ARMC9: variants seen among roughly 807,000 people sequenced by gnomAD.
ARMC9 encodes the protein lisH domain-containing protein ARMC9.
A neutral mutation model predicts 107.0 loss-of-function variants in ARMC9; 94 were observed. That is an observed-to-expected ratio of 0.88 (90% CI 0.74 to 1.04). The LOEUF is 1.04. Ranked by LOEUF, ARMC9 falls within the 50% of genes least tolerant of loss-of-function variation. The pLI, the probability that ARMC9 is intolerant of heterozygous loss-of-function variation, is 0.00. For missense variants in ARMC9, 942 were observed against 1,030.1 expected (o/e 0.91, Z 1.17); for synonymous variants, 380 against 396.9 (o/e 0.96, Z 0.51).
chr2:231,329,877 A>G (rs1487500024), intron 19 of ARMC9, among the ~76,000 whole-genome samples: 3 of 152,134 alleles, frequency 2.0e-5, no homozygotes, highest in Admixed American at 2.0e-4. Context: ...ATAGACAGTC[A>G]TATTATGTGC....
At chr2:231,300,214 A>C (rs967284469) in intron 19 of ARMC9, among the ~76,000 whole-genome samples, 6 of 152,248 alleles carry the variant, frequency 3.9e-5, no homozygotes, top group African/African-American at 1.4e-4. Context: ...TTTAAGTGCC[A>C]GGTGAGGTCA....
intron 20 of ARMC9, among the ~76,000 whole-genome samples, chr2:231,342,182 G>A (rs903709464): frequency 1.8e-4 from 28 of 152,308 alleles, no homozygotes; most frequent in Admixed American, 7.2e-4. Context: ...GGAAGCAGCT[G>A]CACTGCCAGG....
chr2:231,242,370 C>T (rs954785459), intron 9 of ARMC9, among the ~76,000 whole-genome samples: 1 of 152,156 alleles, frequency 6.6e-6, no homozygotes, highest in Admixed American at 6.5e-5. Context: ...CGTGGACAGA[C>T]AGATGGTAGA....
chr2:231,304,907 C>T (rs2041961093), intron 19 of ARMC9, among the ~76,000 whole-genome samples: 1 of 152,218 alleles, frequency 6.6e-6, no homozygotes, highest in South Asian at 2.1e-4. Flanking sequence ...AGGCTCACTT[C>T]ATTAATTTTT....
chr2:231,234,127 T>C (rs1466608069), intron 7 of ARMC9, among the ~76,000 whole-genome samples: 1 of 152,214 alleles, frequency 6.6e-6, no homozygotes, highest in Admixed American at 6.5e-5. Context: ...CTTCAAATAT[T>C]GTACAGTACT....
At chr2:231,239,795 G>T in intron 8 of ARMC9, 148 bp from the exon 9 acceptor site, 1 of 695,022 alleles carries the variant, frequency 1.4e-6, no homozygotes, top group Non-Finnish European at 2.5e-6. Context: ...TGATGTTAAA[G>T]CAAATGATTA....
chr2:231,223,053 G>A (rs1005150107), intron 6 of ARMC9, among the ~76,000 whole-genome samples: 3 of 152,130 alleles, frequency 2.0e-5, no homozygotes, highest in Admixed American at 6.6e-5. Flanking sequence ...TTGATGTCAC[G>A]TGGCTAGAAG....
At chr2:231,283,681 C>T (rs1302177668) in intron 17 of ARMC9, among the ~76,000 whole-genome samples, 4 of 152,154 alleles carry the variant, frequency 2.6e-5, no homozygotes, top group African/African-American at 9.7e-5. Context: ...CCACCTGCCT[C>T]AGCCTCCCAA....
chr2:231,257,076 G>C (rs555065766), intron 10 of ARMC9, among the ~76,000 whole-genome samples: 1 of 152,294 alleles, frequency 6.6e-6, no homozygotes, highest in Non-Finnish European at 1.5e-5. Context: ...TGGCCTCCCA[G>C]AGTGCTGGGA....
intron 19 of ARMC9, among the ~76,000 whole-genome samples, chr2:231,315,083 AC>A (rs1325541543): frequency 1.3e-5 from 2 of 151,754 alleles, no homozygotes; most frequent in Non-Finnish European, 2.9e-5. Flanking sequence ...TATTAAACAT[AC>A]GAAAATTAGC....
intron 21 of ARMC9, among the ~76,000 whole-genome samples, chr2:231,350,925 T>C (rs2045040051): frequency 6.8e-6 from 1 of 147,948 alleles, no homozygotes; most frequent in South Asian, 2.2e-4. Context: ...GCAGCCATCC[T>C]ATTTGCACAA....
intron 9 of ARMC9, 57 bp downstream of exon 9, chr2:231,240,098 G>T (rs774216148): frequency 4.4e-6 from 6 of 1,374,436 alleles, no homozygotes; most frequent in South Asian, 1.3e-5. Context: ...AATTTAAAAA[G>T]AATGTAACTT....
intron 7 of ARMC9, among the ~76,000 whole-genome samples, chr2:231,233,880 C>T (rs2035475404): frequency 6.6e-6 from 1 of 152,124 alleles, no homozygotes; most frequent in Admixed American, 6.5e-5. Flanking sequence ...ATATAACCTT[C>T]TCTAGGTCAG....
At chr2:231,327,474 C>T (rs528498010) in intron 19 of ARMC9, among the ~76,000 whole-genome samples, 40 of 152,288 alleles carry the variant, frequency 2.6e-4, no homozygotes, top group Non-Finnish European at 4.4e-5. Context: ...TCACCAACAT[C>T]ATTCTCCGGA....
intron 22 of ARMC9, 96 bp downstream of exon 22, chr2:231,356,030 C>CT: frequency 7.0e-7 from 1 of 1,424,406 alleles, no homozygotes; most frequent in African/African-American, 1.4e-5. Flanking sequence ...ACGTCTGCTC[C>CT]TGGGAAGCCC....
At chr2:231,230,260 G>A (rs1326910682) in intron 7 of ARMC9, among the ~76,000 whole-genome samples, 1 of 152,018 alleles carries the variant, frequency 6.6e-6, no homozygotes, top group Non-Finnish European at 1.5e-5. Context: ...CTACTCAGGA[G>A]GCTGAGATGG....
chr2:231,219,973 G>A (rs1045204893), intron 5 of ARMC9, among the ~76,000 whole-genome samples: 1 of 152,092 alleles, frequency 6.6e-6, no homozygotes, highest in Non-Finnish European at 1.5e-5. Context: ...TAGACTATAG[G>A]CGTGCGCCAC....
At position 231,310,372 on chromosome 2, in the gene ARMC9, C is replaced by T. The variant is rs181266636; in HGVS notation, c.1773+14119C>T. Among the ~76,000 whole-genome samples the T allele has an allele frequency of 3.5e-3, 501 of 145,016 alleles. 5 individuals carry two copies. Among genetic ancestry groups the T allele is most frequent in the African/African-American group, 0.012 (451 of 38,788 alleles). On this transcript the variant is annotated intron_variant, in intron 19 of 24. Coordinates refer to ENST00000611582, the MANE Select transcript of ARMC9 (RefSeq NM_001352754.2). ...AGGCAAGGTTGCAGTGAGCCGAGAT[C>T]GCGCCATTGCACTCCAGCCTGGGCA...
At chr2:231,345,974 G>C (rs1464612681) in intron 21 of ARMC9, among the ~76,000 whole-genome samples, 5 of 152,308 alleles carry the variant, frequency 3.3e-5, no homozygotes, top group Non-Finnish European at 5.9e-5. Context: ...ACGGACACCA[G>C]GGACACCAGG....
Sources: allele counts gnomAD v4.1 joint callset (sites outside exome capture counted in the v4.1 genomes callset), GRCh38; gene constraint gnomAD v4.1.1; transcripts MANE v1.5; gene names NCBI Gene and HGNC (gene_info 2026-07-23, HGNC 2026-07-21).